IQCM: variants seen among roughly 807,000 people sequenced by gnomAD.
IQCM encodes IQ motif containing M.
In IQCM, 45 loss-of-function variants were observed where a neutral mutation model predicts 57.6. The observed-to-expected ratio is 0.78, with a 90% CI of 0.62 to 1.00. The LOEUF (loss-of-function observed/expected upper bound fraction) is 1.00, where lower values mean the gene tolerates loss of function less well. IQCM is among the 50% of genes least tolerant of loss of function. IQCM has a pLI of 0.00. For synonymous variants in IQCM, 148 were observed against 158.9 expected (o/e 0.93, Z 0.51); for missense variants, 468 against 511.6 (o/e 0.91, Z 0.82).
intron 12 of IQCM, among the ~76,000 whole-genome samples, chr4:149,437,733 C>A (rs207465165): frequency 3.3e-5 from 5 of 151,992 alleles, no homozygotes; most frequent in Admixed American, 1.3e-4. Context: ...ATAAAGATGG[C>A]AGACAACTTT....
At chr4:149,723,270 C>T (rs1236429477) in intron 5 of IQCM, among the ~76,000 whole-genome samples, 8 of 151,880 alleles carry the variant, frequency 5.3e-5, no homozygotes, top group Non-Finnish European at 1.0e-4. Flanking sequence ...AATTTGGATG[C>T]GTCTTATTTC....
chr4:149,521,172 T>C (rs969621935), intron 12 of IQCM, among the ~76,000 whole-genome samples: 5 of 152,150 alleles, frequency 3.3e-5, no homozygotes. Flanking sequence ...AGGTTATTAC[T>C]TGGAGAACAA....
intron 13 of IQCM, among the ~76,000 whole-genome samples, chr4:149,370,325 G>T (rs890553227): frequency 2.0e-5 from 3 of 152,016 alleles, no homozygotes; most frequent in Admixed American, 1.3e-4. Flanking sequence ...TTCTTCATCC[G>T]TAAAATGAAA....
rs1042511291 is a variant in IQCM, at chr4:149,427,415, T to C, written c.1390+5981A>G. Among the ~76,000 whole-genome samples, 6 of 152,110 alleles carry C rather than the reference T, an allele frequency of 3.9e-5. No individual in the cohort carries two copies. In the South Asian group the frequency reaches 8.3e-4, roughly 21 times the overall value. Reference sequence around the variant, plus strand: ...TACAACTCACATTTTCTTTATCTAATAGACCTGGTGCCATCTTAATATTTT... The same window carrying C: ...TACAACTCACATTTTCTTTATCTAACAGACCTGGTGCCATCTTAATATTTT... On this transcript the variant is annotated intron_variant, in intron 13 of 13. Transcript: ENST00000636793.
chr4:149,684,300 G>T (rs1365348736), intron 6 of IQCM, among the ~76,000 whole-genome samples: 1 of 151,286 alleles, frequency 6.6e-6, no homozygotes, highest in Non-Finnish European at 1.5e-5. Context: ...GTTTAGAAAA[G>T]GGAAGAAATC....
At chr4:149,656,665 G>A (rs1442784414) in intron 7 of IQCM, among the ~76,000 whole-genome samples, 1 of 152,152 alleles carries the variant, frequency 6.6e-6, no homozygotes, top group African/African-American at 2.4e-5. Flanking sequence ...CAGAAGACCG[G>A]GAAAAACAAC....
At chr4:149,469,710 G>A (rs924134846) in intron 12 of IQCM, among the ~76,000 whole-genome samples, 1 of 152,122 alleles carries the variant, frequency 6.6e-6, no homozygotes, top group African/African-American at 2.4e-5. Context: ...AAAATGTTAA[G>A]GGCAGCCAGA....
At position 149,644,172 on chromosome 4, in the gene IQCM, T is replaced by C. The variant is rs188697491; in HGVS notation, c.566-22928A>G. Among the ~76,000 whole-genome samples the C allele has an allele frequency of 5.3e-5, 8 of 152,318 alleles. No individual in the cohort carries two copies. The East Asian group carries it at 1.5e-3, about 29-fold the overall frequency. ...TCCTTTTCTAGTAAATTAGGTTTTT[T>C]TAAAATCTACTATTGTAAAATATAA... On this transcript the variant is annotated intron_variant, in intron 7 of 13. Coordinates refer to ENST00000636793, the MANE Select transcript of IQCM (RefSeq NM_001363507.2).
chr4:149,414,071 A>G (rs1733578134), intron 13 of IQCM, among the ~76,000 whole-genome samples: 1 of 152,192 alleles, frequency 6.6e-6, no homozygotes, highest in African/African-American at 2.4e-5. Context: ...TAAAATGCAC[A>G]TTTTTGAAAA....
At chr4:149,586,651 A>C (rs1752672648) in intron 9 of IQCM, among the ~76,000 whole-genome samples, 1 of 151,614 alleles carries the variant, frequency 6.6e-6, no homozygotes, top group Non-Finnish European at 1.5e-5. Flanking sequence ...CCTTAAAAAT[A>C]ATGTATATTC....
At chr4:149,812,099 G>T (rs1774617204) in intron 2 of IQCM, among the ~76,000 whole-genome samples, 1 of 152,142 alleles carries the variant, frequency 6.6e-6, no homozygotes, top group Admixed American at 6.5e-5. Context: ...TAAGTGAGCA[G>T]CAAAGTACTC....
chr4:149,422,380 C>T (rs1734178706), intron 13 of IQCM, among the ~76,000 whole-genome samples: 1 of 151,926 alleles, frequency 6.6e-6, no homozygotes, highest in South Asian at 2.1e-4. Flanking sequence ...AGTCCAAGGC[C>T]TTTGACTCAC....
chr4:149,683,181 C>T (rs1762307954), intron 6 of IQCM, among the ~76,000 whole-genome samples: 1 of 150,990 alleles, frequency 6.6e-6, no homozygotes, highest in Admixed American at 6.6e-5. Flanking sequence ...GCTTATTTAC[C>T]AGTGTTCTTC....
chr4:149,771,721 A>G (rs539304912), intron 2 of IQCM, among the ~76,000 whole-genome samples: 7 of 152,058 alleles, frequency 4.6e-5, no homozygotes, highest in Non-Finnish European at 1.0e-4. Context: ...CTAACACTCC[A>G]TGTGTCTTTA....
intron 2 of IQCM, among the ~76,000 whole-genome samples, chr4:149,758,724 A>G (rs2149956312): frequency 6.8e-6 from 1 of 147,246 alleles, no homozygotes; most frequent in African/African-American, 2.5e-5. Context: ...ATTATACATC[A>G]TCAGGGAAAT....
chr4:149,738,289 C>A (rs535800709), intron 3 of IQCM, among the ~76,000 whole-genome samples: 2 of 152,288 alleles, frequency 1.3e-5, no homozygotes, highest in East Asian at 3.9e-4. Flanking sequence ...TGGTGAGATA[C>A]GCACGTTTCC....
chr4:149,668,696 C>T (rs1190913753), intron 7 of IQCM, among the ~76,000 whole-genome samples: 1 of 152,026 alleles, frequency 6.6e-6, no homozygotes, highest in Non-Finnish European at 1.5e-5. Flanking sequence ...TAAGTAAATG[C>T]TGAAGTAAAA....
chr4:149,794,956 C>A (rs781714244), intron 2 of IQCM, among the ~76,000 whole-genome samples: 3 of 151,792 alleles, frequency 2.0e-5, no homozygotes, highest in Non-Finnish European at 4.4e-5. Flanking sequence ...AATTAGGAGA[C>A]AAGGATTTTA....
chr4:149,555,493 T>C (rs954289415), intron 10 of IQCM, among the ~76,000 whole-genome samples: 3 of 152,224 alleles, frequency 2.0e-5, no homozygotes, highest in Non-Finnish European at 2.9e-5. Flanking sequence ...AGTACCAATA[T>C]ACATTTTTCA....
Sources: allele counts gnomAD v4.1 joint callset (sites outside exome capture counted in the v4.1 genomes callset), GRCh38; gene constraint gnomAD v4.1.1; transcripts MANE v1.5; gene names NCBI Gene and HGNC (gene_info 2026-07-23, HGNC 2026-07-21).